MS4A4E: variants seen among roughly 807,000 people sequenced by gnomAD.
MS4A4E encodes the protein putative membrane-spanning 4-domains subfamily A member 4E.
A neutral mutation model predicts 13.3 loss-of-function variants in MS4A4E; 23 were observed. That is an observed-to-expected ratio of 1.73 (90% CI 1.25 to 2.45). MS4A4E has a LOEUF of 2.45. MS4A4E is among the 30% of genes most tolerant of loss of function. The pLI is 0.00. For synonymous variants in MS4A4E, 36 were observed against 45.6 expected (o/e 0.79, Z 0.85); for missense variants, 144 against 131.2 (o/e 1.10, Z -0.48).
intron 3 of MS4A4E, among the ~76,000 whole-genome samples, chr11:60,218,530 G>T (rs573818499): frequency 6.6e-6 from 1 of 152,032 alleles, no homozygotes; most frequent in Admixed American, 6.5e-5. Flanking sequence ...TCTCTTTTGT[G>T]TACTCTGTCC....
Position 60,200,842 on chromosome 11 carries a change from G to A in MS4A4E, c.*701C>T, listed in dbSNP as rs1201678449. Among the ~76,000 whole-genome samples the A allele has an allele frequency of 2.0e-5, 3 of 151,130 alleles. No individual in the cohort carries two copies. Among genetic ancestry groups the A allele is most frequent in the Non-Finnish European group, 2.9e-5 (2 of 67,912 alleles). Reference sequence around the variant, plus strand: ...GATGGGGTGGTGGCCGGGCAGAGGGGCTCCTCACTTCCCAGTAGGGGCGGC... The same window carrying A: ...GATGGGGTGGTGGCCGGGCAGAGGGACTCCTCACTTCCCAGTAGGGGCGGC... On this transcript the variant is annotated 3_prime_UTR_variant, in exon 9 of 9. Transcript: ENST00000651255.
chr11:60,207,309 TA>T (rs1244804813), intron 6 of MS4A4E, among the ~76,000 whole-genome samples: 2 of 152,128 alleles, frequency 1.3e-5, no homozygotes, highest in African/African-American at 4.8e-5. Context: ...ACCAGGGGAT[TA>T]GGGAAACAAC....
intron 1 of MS4A4E, among the ~76,000 whole-genome samples, chr11:60,234,598 T>A (rs1409049681): frequency 2.0e-5 from 3 of 152,092 alleles, no homozygotes; most frequent in Admixed American, 2.0e-4. Flanking sequence ...GGGATCACCC[T>A]CACCAGAGGT....
intron 3 of MS4A4E, 161 bp from the exon 4 acceptor site, chr11:60,214,775 T>G: frequency 2.3e-6 from 1 of 441,644 alleles, no homozygotes; most frequent in East Asian, 3.5e-5. Flanking sequence ...TTTTCTCTTT[T>G]CCCAGAAAGA....
intron 8 of MS4A4E, among the ~76,000 whole-genome samples, chr11:60,202,146 A>G (rs1017738512): frequency 1.3e-5 from 2 of 152,218 alleles, no homozygotes; most frequent in African/African-American, 4.8e-5. Context: ...GCCACTTGCA[A>G]TCACTAAGCA....
intron 1 of MS4A4E, among the ~76,000 whole-genome samples, chr11:60,242,647 C>T (rs1235139544): frequency 6.6e-6 from 1 of 152,210 alleles, no homozygotes; most frequent in Non-Finnish European, 1.5e-5. Flanking sequence ...ATGTTGCTTA[C>T]AGTGTTTTGG....
chr11:60,210,292 A>G (rs595014), intron 5 of MS4A4E, among the ~76,000 whole-genome samples: 138,598 of 151,860 alleles, frequency 0.91, 63,386 homozygotes, highest in Non-Finnish European at 0.94. Flanking sequence ...GAATAGACCC[A>G]TTGCTTCAAA....
At position 60,206,510 on chromosome 11, in the gene MS4A4E, T is replaced by C. The variant is rs1361910875; in HGVS notation, c.484-690A>G. 6.4e-5 allele frequency among the ~76,000 whole-genome samples: 4 copies of C among 62,836 alleles called. 1 individual carries two copies. Among genetic ancestry groups the C allele is most frequent in the African/African-American group, 1.7e-4 (3 of 17,218 alleles). The allele number at this position is 62,836 out of a possible 152,430, so 41.2% of individuals were successfully genotyped here. On this transcript the variant is annotated intron_variant, in intron 6 of 8. Transcript: ENST00000651255. ...ATATGTATATATATACGTATATATA[T>C]ATACACACACACACACACAGAGGTC...
rs1565127110 is a variant in MS4A4E at position 60,229,960 on chromosome 11, A to T, written c.96T>A (p.Cys32Ter). 1 of 1,613,520 alleles carries T rather than the reference A, an allele frequency of 6.2e-7. No homozygotes were observed. Residue 32 changes from cysteine to a stop codon, truncating the protein, a stop_gained, in exon 2 of 9, where the codon TGT (cysteine) becomes TGA (stop). Coordinates refer to ENST00000651255, the MANE Select transcript of MS4A4E (RefSeq NM_001393391.1). LOFTEE classifies it high-confidence loss of function. ...TGAAGAACTTCTCTTGCAATCCTTT[A>T]CACAGATATGAATGTATGACATCTA... ...GNIDVIHSYL[C>*]KGLQEKFFKR...
intron 1 of MS4A4E, among the ~76,000 whole-genome samples, chr11:60,233,816 C>G (rs1486161076): frequency 2.0e-5 from 3 of 152,122 alleles, no homozygotes; most frequent in African/African-American, 7.2e-5. Flanking sequence ...CCTAGTGGAG[C>G]CTTGGGAGTG....
At chr11:60,228,058 T>C (rs1472842413) in intron 3 of MS4A4E, among the ~76,000 whole-genome samples, 2 of 152,166 alleles carry the variant, frequency 1.3e-5, no homozygotes, top group Non-Finnish European at 2.9e-5. Context: ...GTCAATACAA[T>C]ACCAAAGGCA....
chr11:60,206,498 TAC>T (rs1554983278), intron 6 of MS4A4E, among the ~76,000 whole-genome samples: 2 of 104,014 alleles, frequency 1.9e-5, no homozygotes, highest in Admixed American at 9.8e-5. Context: ...TGTATATATA[TAC>T]GTATATATAT....
chr11:60,236,296 T>G (rs887764681), intron 1 of MS4A4E, among the ~76,000 whole-genome samples: 1 of 152,212 alleles, frequency 6.6e-6, no homozygotes, highest in Non-Finnish European at 1.5e-5. Flanking sequence ...TCCCTTGTAT[T>G]TCCATATGAT....
chr11:60,203,807 A>G (rs1366224577), intron 8 of MS4A4E, among the ~76,000 whole-genome samples: 1 of 152,204 alleles, frequency 6.6e-6, no homozygotes, highest in African/African-American at 2.4e-5. Flanking sequence ...TAGCAAAAGA[A>G]GGCAAAGTTT....
chr11:60,236,916 T>C (rs2084491223), intron 1 of MS4A4E, among the ~76,000 whole-genome samples: 1 of 152,076 alleles, frequency 6.6e-6, no homozygotes, highest in Non-Finnish European at 1.5e-5. Flanking sequence ...TTTGTATTTT[T>C]AGTAGAGATG....
intron 8 of MS4A4E, 49 bp from the exon 9 acceptor site, chr11:60,201,928 C>G (rs995178080): frequency 6.3e-6 from 1 of 159,134 alleles, no homozygotes; most frequent in Non-Finnish European, 1.4e-5. Flanking sequence ...CTGACTCTAC[C>G]TGAATAGGTT....
intron 3 of MS4A4E, among the ~76,000 whole-genome samples, chr11:60,225,947 A>T (rs1353786953): frequency 5.9e-5 from 9 of 151,932 alleles, no homozygotes; most frequent in Non-Finnish European, 1.2e-4. Flanking sequence ...GAGGACACAG[A>T]TTACTCATAA....
rs112708937 is a variant in MS4A4E, at chr11:60,217,522, C to T, written c.179-2908G>A. On this transcript the variant is annotated intron_variant, in intron 3 of 8. Coordinates refer to ENST00000651255, the MANE Select transcript of MS4A4E (RefSeq NM_001393391.1). ...CCTTTGTCTAAGGAGATAAACCCTG[C>T]GCTGCCTAATGCAACAGTGATGTGT... 2.0e-3 allele frequency among the ~76,000 whole-genome samples: 310 copies of T among 152,248 alleles called. 2 individuals carry two copies. The highest frequency in any genetic ancestry group is 9.1e-3 in the South Asian group (44 of 4,830).
intron 1 of MS4A4E, among the ~76,000 whole-genome samples, chr11:60,241,857 G>A (rs2084556719): frequency 6.6e-6 from 1 of 152,164 alleles, no homozygotes; most frequent in Admixed American, 6.5e-5. Flanking sequence ...CAACTACAAT[G>A]TCTTCCCCGC....
Sources: gnomAD v4.1 joint callset for allele counts (sites outside exome capture counted in the v4.1 genomes callset) on GRCh38, gnomAD v4.1.1 for gene constraint, MANE v1.5 for transcripts, NCBI Gene and HGNC (gene_info 2026-07-23, HGNC 2026-07-21) for gene names.